Variants in AKAP17A observed in about 807,000 individuals in gnomAD.
AKAP17A encodes the protein A-kinase anchoring protein 17A.
AKAP17A carries 15 observed loss-of-function variants against 52.2 expected under a neutral mutation model. The ratio of observed to expected loss-of-function variants is 0.29; its 90% CI spans 0.19 to 0.44. AKAP17A has a LOEUF of 0.44. Ranked by LOEUF, AKAP17A falls within the 20% of genes least tolerant of loss-of-function variation. AKAP17A has a pLI of 1.00. For synonymous variants in AKAP17A, 514 were observed against 424.7 expected (o/e 1.21, Z -2.58); for missense variants, 1,060 against 1,007.0 (o/e 1.05, Z -0.71).
chrX:1,600,460 G>C (rs548419272), intron 4 of AKAP17A, among the ~76,000 whole-genome samples, 199 bp from the exon 5 acceptor site: 2 of 152,120 alleles, frequency 1.3e-5, no homozygotes, highest in Admixed American at 6.5e-5. Flanking sequence ...CCCCAGGTGT[G>C]GCCGCGGGAG....
rs1334782200 is a variant in AKAP17A, at chrX:1,593,864, C to T, written c.402C>T (p.Ala134=). 1 of 1,612,700 alleles carries T rather than the reference C, an allele frequency of 6.2e-7. No homozygotes were observed. The highest frequency in any genetic ancestry group is 8.5e-7 in the Non-Finnish European group (1 of 1,179,248). Residue 134 remains alanine (A), a synonymous_variant, in exon 2 of 5, where the codon GCC becomes GCT. Coordinates refer to ENST00000313871, the MANE Select transcript of AKAP17A (RefSeq NM_005088.3). Reference sequence around the variant, plus strand: ...ACTGGGACTCCTTCTTCCGCGACGCCAAGGACATGAACGAGACCCTGCCGG... The same window carrying T: ...ACTGGGACTCCTTCTTCCGCGACGCTAAGGACATGAACGAGACCCTGCCGG... ...RHDWDSFFRD[A]KDMNETLPGE...
chrX:1,598,689 TG>T (rs1185467523), intron 3 of AKAP17A, among the ~76,000 whole-genome samples: 1 of 152,086 alleles, frequency 6.6e-6, no homozygotes, highest in Non-Finnish European at 1.5e-5. Flanking sequence ...CTGAGTGGCG[TG>T]GCTGTGGTTG....
chrX:1,593,074 C>T (rs1932866940), intron 1 of AKAP17A, among the ~76,000 whole-genome samples: 2 of 152,112 alleles, frequency 1.3e-5, no homozygotes, highest in African/African-American at 2.4e-5. Context: ...TGGAGCTAGG[C>T]GTTTGTAGCG....
rs140073857 is a variant in AKAP17A at position 1,601,221 on chromosome X, C to T, written c.1715C>T (p.Thr572Ile). 147 of 1,613,914 alleles carry T rather than the reference C, an allele frequency of 9.1e-5. No individual in the cohort carries two copies. The African/African-American group carries it at 1.6e-3, about 18-fold the overall frequency. ...GAGCAGAATGTCTCCAGAAAGGACA[C>T]CCGGTCAGAACAGGACAAGTGCAAC... ...ACEQNVSRKD[T>I]RSEQDKCNRE... The change falls in exon 5 of 5, where the codon ACC becomes ATC. Residue 572 changes from threonine to isoleucine, a missense_variant. By Grantham distance (89) the Thr-to-Ile change is moderately conservative (BLOSUM62 -1). Around this residue, in one of 2 missense-constraint regions of AKAP17A, gnomAD observed 793 missense variants for 629.9 expected, o/e 1.26. Coordinates refer to ENST00000313871, the MANE Select transcript of AKAP17A (RefSeq NM_005088.3).
intron 3 of AKAP17A, among the ~76,000 whole-genome samples, chrX:1,597,420 A>G (rs1258819225): frequency 2.0e-5 from 3 of 152,178 alleles, no homozygotes; most frequent in African/African-American, 4.8e-5. Context: ...GGAGGGAGGG[A>G]CATGCTGCTG....
rs1569349944 is a variant in AKAP17A at position 1,595,620 on chromosome X, C to T, written c.911+88C>T. 9 of 1,577,302 alleles carry T rather than the reference C, an allele frequency of 5.7e-6. 1 individual carries two copies. The South Asian group carries it at 9.1e-5, about 16-fold the overall frequency. ...CGTGTGCGTGTGTCTGCATGTATTCCTGTGCGTGTGTGTGTGCATGCATGC... is the reference window on the plus strand; with the variant it reads ...CGTGTGCGTGTGTCTGCATGTATTCTTGTGCGTGTGTGTGTGCATGCATGC... On this transcript the variant is annotated intron_variant, in intron 3 of 4. Coordinates refer to ENST00000313871, the MANE Select transcript of AKAP17A (RefSeq NM_005088.3).
intron 4 of AKAP17A, chrX:1,600,199 T>TA (rs1216768931): frequency 9.2e-6 from 12 of 1,310,104 alleles, no homozygotes; most frequent in Admixed American, 2.3e-5. Flanking sequence ...GCCCAGTCCT[T>TA]ACCTCATGGT....
At position 1,601,377 on chromosome X, in the gene AKAP17A, A is replaced by G; in HGVS notation, c.1871A>G (p.His624Arg). 6.4e-7 allele frequency: 1 copy of G among 1,573,400 alleles called. No individual in the cohort carries two copies. The highest frequency in any genetic ancestry group is 8.6e-7 in the Non-Finnish European group (1 of 1,165,710). Residue 624 changes from histidine (H) to arginine (R), a missense_variant, in exon 5 of 5, where the codon CAC becomes CGC. By Grantham distance (29) the His-to-Arg change is conservative (BLOSUM62 0). Transcript: ENST00000313871. ...AGGCCACGCAAGGAGCGGCGGCCCC[A>G]CAAGAAGCACGCCTACAAGGATGAC... ...DGRPRKERRP[H>R]KKHAYKDDSP... is the part of the protein sequence containing the mutation.
Position 1,601,303 on chromosome X carries a change from C to G in AKAP17A, c.1797C>G (p.His599Gln), listed in dbSNP as rs1933364467. ...CCGGAGACGGGCTTGCTGACCGGCA[C>G]AAGCGGGAGAGGAGCCGGGCCAGGC... ...RATGDGLADR[H>Q]KRERSRARRA... Residue 599 changes from histidine to glutamine, a missense_variant, in exon 5 of 5, where the codon CAC becomes CAG. Physicochemically the swap from His to Gln is conservative, Grantham distance 24 (BLOSUM62 0). Around this residue, in one of 2 missense-constraint regions of AKAP17A, gnomAD observed 793 missense variants for 629.9 expected, o/e 1.26. Transcript: ENST00000313871. The G allele has an allele frequency of 9.9e-6, 16 of 1,609,032 alleles. No individual in the cohort carries two copies. Among genetic ancestry groups the G allele is most frequent in the Non-Finnish European group, 1.3e-5 (15 of 1,178,566 alleles).
intron 3 of AKAP17A, 69 bp downstream of exon 3, chrX:1,595,601 CGTGTGTCTGCATGTATTCCTGTGCGT>C (rs1932937847): frequency 1.3e-6 from 2 of 1,598,938 alleles, no homozygotes; most frequent in East Asian, 4.5e-5. Context: ...GACCCGTGTG[CGTGTGTCTGCATGTATTCCTGTGCGT>C]GTGTGTGTGC....
Position 1,600,756 on chromosome X carries a change from TGGA to T in AKAP17A, c.1258_1260del (p.Glu420del), listed in dbSNP as rs1933317621. The stretch of plus-strand genomic sequence containing the variant: ...CTGCAGGAGGCCGAGCTGCGGCGCG[TGGA>T]GGAGGAGAAGGAGCGCGCGCTGGGC... On this transcript the variant is annotated inframe_deletion, in exon 5 of 5. Transcript: ENST00000313871. The T allele has an allele frequency of 2.6e-6, 4 of 1,559,822 alleles. No individual in the cohort carries two copies. The highest frequency in any genetic ancestry group is 1.2e-5 in the South Asian group (1 of 85,366).
chrX:1,600,229 C>G, intron 4 of AKAP17A: 1 of 1,297,964 alleles, frequency 7.7e-7, no homozygotes, highest in Admixed American at 2.3e-5. Flanking sequence ...AGACACTAAC[C>G]CAGGCTAGGC....
chrX:1,592,124 G>A (rs1261537789), intron 1 of AKAP17A, among the ~76,000 whole-genome samples: 1 of 151,856 alleles, frequency 6.6e-6, no homozygotes, highest in Non-Finnish European at 1.5e-5. Flanking sequence ...GGGACTAGGG[G>A]ACGTGGCGCT....
chrX:1,600,445 G>C (rs1321547836), intron 4 of AKAP17A: 19 of 640,684 alleles, frequency 3.0e-5, no homozygotes, highest in African/African-American at 5.5e-5. Context: ...TCAGACGCAT[G>C]ATGGCCCCAG....
rs1933061859 is a variant in AKAP17A, at chrX:1,597,414, G to T, written c.912-1778G>T. Among the ~76,000 whole-genome samples the T allele has an allele frequency of 2.0e-5, 3 of 152,198 alleles. 1 individual carries two copies. The highest frequency in any genetic ancestry group is 2.1e-4 in the South Asian group (1 of 4,830). On this transcript the variant is annotated intron_variant, in intron 3 of 4. Coordinates refer to ENST00000313871, the MANE Select transcript of AKAP17A (RefSeq NM_005088.3). ...CACAGAGAGGCAGACGCCCTGGGAG[G>T]GAGGGACATGCTGCTGCGTCGCCAT...
chrX:1,599,345 G>A lies in AKAP17A; in HGVS notation c.1065G>A (p.Lys355=). The A allele has an allele frequency of 6.3e-7, 1 of 1,599,464 alleles. No homozygotes were observed. Among genetic ancestry groups the A allele is most frequent in the African/African-American group, 1.3e-5 (1 of 74,872 alleles). ...AGGAGCAGAAGCAGCTGCAGGAGAA[G>A]ATCAAGCTGGAGGAGCGCAAGCTGC... is the stretch of plus-strand genomic sequence containing the variant. ...QAEEQKQLQE[K]IKLEERKLLL... Residue 355 remains lysine (K), a synonymous_variant, in exon 4 of 5, where the codon AAG becomes AAA. Coordinates refer to ENST00000313871, the MANE Select transcript of AKAP17A (RefSeq NM_005088.3).
intron 2 of AKAP17A, among the ~76,000 whole-genome samples, chrX:1,595,161 G>A (rs1932919426): frequency 6.6e-6 from 1 of 152,218 alleles, no homozygotes; most frequent in Admixed American, 6.5e-5. Flanking sequence ...TAACTCCGTG[G>A]GATGAGCTAA....
intron 3 of AKAP17A, 129 bp from the exon 4 acceptor site, chrX:1,599,063 G>C (rs1933193490): frequency 7.7e-6 from 11 of 1,423,000 alleles, no homozygotes; most frequent in Non-Finnish European, 1.0e-5. Context: ...GGTCCACCTT[G>C]GGATAAAGAG....
chrX:1,600,677 CAGG>C lies in AKAP17A; in HGVS notation c.1174_1176del (p.Glu392del), dbSNP rs1320845746. 2.6e-6 allele frequency: 4 copies of C among 1,542,462 alleles called. No homozygotes were observed. In the African/African-American group the frequency reaches 5.5e-5, roughly 21 times the overall value. ...CCCGCAGGCTGTGAAGCTACGGGAA[CAGG>C]AGCAGAAGGAGGAGAAGCTGAGGCT... is the stretch of plus-strand genomic sequence containing the variant. On this transcript the variant is annotated inframe_deletion, in exon 5 of 5. Coordinates refer to ENST00000313871, the MANE Select transcript of AKAP17A (RefSeq NM_005088.3).
Sources: gnomAD v4.1 joint callset for allele counts (sites outside exome capture counted in the v4.1 genomes callset) on GRCh38, gnomAD v4.1.1 for gene constraint, gnomAD v4.1.1 regional missense constraint, MANE v1.5 for transcripts, NCBI Gene and HGNC (gene_info 2026-07-23, HGNC 2026-07-21) for gene names.